The following PRR16 variants were observed in gnomAD, a reference collection of about 807,000 sequenced individuals.
PRR16 encodes the protein proline rich 16, also known as protein Largen.
A neutral mutation model predicts 18.2 loss-of-function variants in PRR16; 6 were observed. That is an observed-to-expected ratio of 0.33 (90% CI 0.18 to 0.65). The LOEUF (loss-of-function observed/expected upper bound fraction) is 0.65, where lower values mean the gene tolerates loss of function less well. Ranked by LOEUF, PRR16 falls within the 30% of genes least tolerant of loss-of-function variation. PRR16 has a pLI of 0.74. For synonymous variants in PRR16, 151 were observed against 147.8 expected, an observed-to-expected ratio of 1.02 and a Z score of -0.16; for missense variants, 412 against 376.6, an observed-to-expected ratio of 1.09 and a Z score of -0.78.
chr5:120,538,673 A>G (rs1751807265), intron 1 of PRR16, among the ~76,000 whole-genome samples: 1 of 152,248 alleles, frequency 6.6e-6, no homozygotes, highest in South Asian at 2.1e-4. Context: ...AACTGAAAGC[A>G]TCTTCAGCAT....
the PRR16 span, among the ~76,000 whole-genome samples, chr5:120,732,133 G>C: frequency 1.5e-4 from 23 of 152,304 alleles, no homozygotes; most frequent in African/African-American, 5.3e-4. Context: ...GAGACACACT[G>C]TACAGCTCAT....
At chr5:120,564,288 C>A (rs542099916) in intron 1 of PRR16, among the ~76,000 whole-genome samples, 1 of 152,092 alleles carries the variant, frequency 6.6e-6, no homozygotes, top group Non-Finnish European at 1.5e-5. Context: ...CCACCCTAGT[C>A]CCCTGCCTCT....
the PRR16 span, among the ~76,000 whole-genome samples, chr5:120,747,615 A>G: frequency 7.2e-4 from 110 of 152,268 alleles, no homozygotes; most frequent in African/African-American, 2.5e-3. Flanking sequence ...ACCCACAATG[A>G]ATGCCTGCAG....
chr5:120,714,250 A>C, the PRR16 span, among the ~76,000 whole-genome samples: 1 of 152,196 alleles, frequency 6.6e-6, no homozygotes, highest in Non-Finnish European at 1.5e-5. Flanking sequence ...ATAGAACATA[A>C]TGTAAAATGT....
chr5:120,713,671 C>G, the PRR16 span, among the ~76,000 whole-genome samples: 1 of 152,098 alleles, frequency 6.6e-6, no homozygotes, highest in African/African-American at 2.4e-5. Flanking sequence ...TGACCCAGAG[C>G]TAGAACCAGG....
chr5:120,697,358 T>C, the PRR16 span, among the ~76,000 whole-genome samples: 1 of 152,356 alleles, frequency 6.6e-6, no homozygotes, highest in East Asian at 1.9e-4. Context: ...ATGATCTCCG[T>C]GTCAGACACG....
the PRR16 span, among the ~76,000 whole-genome samples, chr5:120,718,560 G>T: frequency 6.6e-6 from 1 of 152,036 alleles, no homozygotes; most frequent in African/African-American, 2.4e-5. Flanking sequence ...AAGCCATCCA[G>T]CAGGCTTCCC....
chr5:120,670,615 A>G (rs990356426), intron 1 of PRR16, among the ~76,000 whole-genome samples: 1 of 152,108 alleles, frequency 6.6e-6, no homozygotes, highest in Non-Finnish European at 1.5e-5. Context: ...TTAAAATGCA[A>G]CCCCCTTACT....
At chr5:120,788,095 C>A in the PRR16 span, among the ~76,000 whole-genome samples, 4 of 151,840 alleles carry the variant, frequency 2.6e-5, no homozygotes, top group South Asian at 4.1e-4. Flanking sequence ...CAAATGCCAC[C>A]TTTTGTAGGC....
intron 1 of PRR16, among the ~76,000 whole-genome samples, chr5:120,508,767 A>G (rs1750727521): frequency 6.6e-6 from 1 of 152,064 alleles, no homozygotes; most frequent in Non-Finnish European, 1.5e-5. Flanking sequence ...TTAGGTTTTA[A>G]AGCATTAGTT....
intron 1 of PRR16, among the ~76,000 whole-genome samples, chr5:120,588,576 A>T (rs1038535899): frequency 6.6e-6 from 1 of 152,216 alleles, no homozygotes; most frequent in Non-Finnish European, 1.5e-5. Context: ...TAATTAAGGT[A>T]TGCACATTTT....
chr5:120,722,155 A>G, the PRR16 span, among the ~76,000 whole-genome samples: 1 of 151,958 alleles, frequency 6.6e-6, no homozygotes, highest in Non-Finnish European at 1.5e-5. Flanking sequence ...GTTTGCTGAG[A>G]ATGATGGTTT....
intron 1 of PRR16, among the ~76,000 whole-genome samples, chr5:120,550,820 A>G (rs1262661362): frequency 6.6e-6 from 1 of 152,014 alleles, no homozygotes; most frequent in Non-Finnish European, 1.5e-5. Context: ...AAGGACAGAA[A>G]TTGGCAGATG....
chr5:120,756,965 T>C, the PRR16 span, among the ~76,000 whole-genome samples: 1 of 152,130 alleles, frequency 6.6e-6, no homozygotes, highest in African/African-American at 2.4e-5. Flanking sequence ...CCTTCTTTAG[T>C]TAATTTAGTT....
At chr5:120,654,846 A>G (rs950300201) in intron 1 of PRR16, among the ~76,000 whole-genome samples, 1 of 151,864 alleles carries the variant, frequency 6.6e-6, no homozygotes, top group Admixed American at 6.6e-5. Flanking sequence ...AAAATGAGGG[A>G]AAAAAAGATA....
At chr5:120,530,712 G>A (rs1429671695) in intron 1 of PRR16, among the ~76,000 whole-genome samples, 1 of 152,054 alleles carries the variant, frequency 6.6e-6, no homozygotes, top group Non-Finnish European at 1.5e-5. Flanking sequence ...GAGATATTGG[G>A]GAGATGGGTA....
At chr5:120,476,633 C>A (rs575280383) in intron 1 of PRR16, among the ~76,000 whole-genome samples, 1 of 152,060 alleles carries the variant, frequency 6.6e-6, no homozygotes, top group South Asian at 2.1e-4. Context: ...CTGTTATTTC[C>A]CATTTACTCA....
chr5:120,484,346 T>C (rs1398907923), intron 1 of PRR16, among the ~76,000 whole-genome samples: 4 of 31,576 alleles, frequency 1.3e-4, no homozygotes, highest in Non-Finnish European at 2.4e-4. Context: ...ATATACTTTG[T>C]ATTACATATA....
intron 1 of PRR16, among the ~76,000 whole-genome samples, chr5:120,508,117 C>G (rs1326092928): frequency 6.6e-6 from 1 of 152,084 alleles, no homozygotes; most frequent in Admixed American, 6.6e-5. Flanking sequence ...TTAAAGGGAG[C>G]AGACTCAGCT....
Sources: gnomAD v4.1 joint callset for allele counts (sites outside exome capture counted in the v4.1 genomes callset) on GRCh38, gnomAD v4.1.1 for gene constraint, MANE v1.5 for transcripts, NCBI Gene and HGNC (gene_info 2026-07-23, HGNC 2026-07-21) for gene names.